The following ITPRID1 variants were observed in gnomAD, a reference collection of about 807,000 sequenced individuals.
ITPRID1 encodes the protein protein ITPRID1.
Under a neutral mutation model 95.4 loss-of-function variants are expected in ITPRID1, and 96 were observed. The observed-to-expected ratio is 1.01, with a 90% confidence interval of 0.85 to 1.19. The LOEUF is 1.19. Ranked by LOEUF, ITPRID1 falls within the 50% of genes most tolerant of loss-of-function variation. The pLI is 0.00. For missense variants in ITPRID1, 1,339 were observed against 1,252.9 expected (o/e 1.07, Z -1.04); for synonymous variants, 510 against 453.6 (o/e 1.12, Z -1.58).
At chr7:31,543,145 G>T (rs1783984590) in intron 1 of ITPRID1, among the ~76,000 whole-genome samples, 1 of 152,156 alleles carries the variant, frequency 6.6e-6, no homozygotes, top group African/African-American at 2.4e-5. Context: ...AATTTCCAGG[G>T]CCTAGGAAAC....
At chr7:31,585,813 T>A (rs1266333753) in intron 10 of ITPRID1, among the ~76,000 whole-genome samples, 1 of 152,166 alleles carries the variant, frequency 6.6e-6, no homozygotes, top group East Asian at 1.9e-4. Context: ...AAAAGAATGA[T>A]TACAAAGAAG....
At chr7:31,618,858 T>C (rs1006180583) in intron 10 of ITPRID1, among the ~76,000 whole-genome samples, 10 of 152,222 alleles carry the variant, frequency 6.6e-5, no homozygotes, top group Non-Finnish European at 1.3e-4. Flanking sequence ...TGATTATCAC[T>C]TTATTATAAA....
At position 31,643,330 on chromosome 7, in the gene ITPRID1, A is replaced by G. The variant is rs1790195317; in HGVS notation, c.1960A>G (p.Thr654Ala). The G allele has an allele frequency of 6.2e-7, 1 of 1,614,004 alleles. No individual in the cohort carries two copies. The highest frequency in any genetic ancestry group is 1.1e-5 in the South Asian group (1 of 91,080). The change falls in exon 12 of 15, where the codon ACT becomes GCT. Residue 654 changes from threonine to alanine, a missense_variant. Physicochemically the swap from Thr to Ala is moderately conservative, Grantham distance 58. Transcript: ENST00000615280. ...GCACAGTGAAATCACACCTTATGCA[A>G]CTGACCTTGCTCAAACATCTGAAAA... ...PKHSEITPYA[T>A]DLAQTSEKLI...
intron 10 of ITPRID1, among the ~76,000 whole-genome samples, chr7:31,619,844 C>T (rs1228777054): frequency 6.6e-6 from 1 of 152,192 alleles, no homozygotes. Flanking sequence ...AGGGAGTTCC[C>T]TTTCCTAGTC....
chr7:31,647,717 GACGACA>G (rs1324094526), intron 12 of ITPRID1, among the ~76,000 whole-genome samples: 1 of 148,708 alleles, frequency 6.7e-6, no homozygotes, highest in African/African-American at 2.5e-5. Context: ...AGAAGACGAT[GACGACA>G]ACGACGACGA....
chr7:31,591,059 C>G (rs1469768221), intron 10 of ITPRID1, among the ~76,000 whole-genome samples: 1 of 152,162 alleles, frequency 6.6e-6, no homozygotes, highest in Non-Finnish European at 1.5e-5. Flanking sequence ...AGATGCATGG[C>G]TCATGCATGA....
chr7:31,575,786 C>A (rs904671966), intron 8 of ITPRID1, among the ~76,000 whole-genome samples: 8 of 152,086 alleles, frequency 5.3e-5, no homozygotes, highest in African/African-American at 1.9e-4. Flanking sequence ...TTTTCTCAAG[C>A]AATTATCTGG....
intron 1 of ITPRID1, among the ~76,000 whole-genome samples, chr7:31,535,402 A>G (rs1165822141): frequency 1.3e-5 from 2 of 152,044 alleles, no homozygotes; most frequent in African/African-American, 4.8e-5. Flanking sequence ...ATGTATTTTT[A>G]TCTATCAATT....
At chr7:31,551,814 GT>G (rs1201230464) in intron 2 of ITPRID1, 4 of 359,678 alleles carry the variant, frequency 1.1e-5, no homozygotes, top group Non-Finnish European at 2.3e-5. Flanking sequence ...TATGCATTAA[GT>G]TTAGGGATCC....
Position 31,655,446 on chromosome 7 carries a change from C to G in ITPRID1, c.*2617C>G, listed in dbSNP as rs1446600348. ...CACCTTCTCTCCAAACTGCACTGGC[C>G]TCTGCCAGGTTGGGCTCTCTCAGCC... On this transcript the variant is annotated 3_prime_UTR_variant, in exon 15 of 15. Transcript: ENST00000615280. Among the ~76,000 whole-genome samples the G allele has an allele frequency of 2.6e-5, 4 of 152,168 alleles. No individual in the cohort carries two copies. Among genetic ancestry groups the G allele is most frequent in the Admixed American group, 2.6e-4 (4 of 15,278 alleles).
chr7:31,525,681 A>G (rs933829358), intron 1 of ITPRID1, among the ~76,000 whole-genome samples: 1 of 152,180 alleles, frequency 6.6e-6, no homozygotes, highest in Non-Finnish European at 1.5e-5. Context: ...TGATGTGTCA[A>G]ATTTAACTCT....
intron 8 of ITPRID1, among the ~76,000 whole-genome samples, chr7:31,577,520 T>G (rs1309383254): frequency 6.6e-6 from 1 of 152,198 alleles, no homozygotes; most frequent in African/African-American, 2.4e-5. Flanking sequence ...TAGCACTGGA[T>G]TCACTGCTTA....
chr7:31,529,082 A>C (rs1336088182), intron 1 of ITPRID1, among the ~76,000 whole-genome samples: 1 of 152,202 alleles, frequency 6.6e-6, no homozygotes, highest in East Asian at 1.9e-4. Context: ...TACTTCATAG[A>C]TAGTGAAATT....
At chr7:31,556,635 C>G (rs1039483392) in intron 5 of ITPRID1, among the ~76,000 whole-genome samples, 1 of 151,866 alleles carries the variant, frequency 6.6e-6, no homozygotes, top group African/African-American at 2.4e-5. Flanking sequence ...AAACTGGGGA[C>G]CTGGAGGTCA....
chr7:31,640,556 C>T (rs183910376), intron 10 of ITPRID1, among the ~76,000 whole-genome samples: 111 of 152,332 alleles, frequency 7.3e-4, no homozygotes, highest in African/African-American at 2.5e-3. Context: ...AAGCGCTAAG[C>T]TGGGTAACTA....
intron 10 of ITPRID1, among the ~76,000 whole-genome samples, chr7:31,592,604 G>C (rs931228940): frequency 3.3e-5 from 5 of 152,160 alleles, no homozygotes; most frequent in Admixed American, 6.5e-5. Context: ...ATCATAAGGA[G>C]CACACAACCT....
intron 1 of ITPRID1, among the ~76,000 whole-genome samples, chr7:31,532,642 A>G (rs1363276225): frequency 6.6e-6 from 1 of 152,104 alleles, no homozygotes; most frequent in Non-Finnish European, 1.5e-5. Context: ...TTTATGATGA[A>G]TTTTGTTCAT....
chr7:31,620,080 T>C (rs1161826365), intron 10 of ITPRID1, among the ~76,000 whole-genome samples: 1 of 152,084 alleles, frequency 6.6e-6, no homozygotes, highest in Non-Finnish European at 1.5e-5. Flanking sequence ...TACCCAGGCT[T>C]GATTAGGTAA....
intron 10 of ITPRID1, among the ~76,000 whole-genome samples, chr7:31,638,670 A>G (rs1449831985): frequency 6.6e-6 from 1 of 152,190 alleles, no homozygotes; most frequent in East Asian, 1.9e-4. Context: ...GAAATCTGCC[A>G]TCCTTATCTT....
Sources: allele counts gnomAD v4.1 joint callset (sites outside exome capture counted in the v4.1 genomes callset), GRCh38; gene constraint gnomAD v4.1.1; transcripts MANE v1.5; gene names NCBI Gene and HGNC (gene_info 2026-07-23, HGNC 2026-07-21).